Variants in NEGR1 observed in about 807,000 individuals in gnomAD.
The protein encoded by NEGR1 is IgLON family member 4.
Under a neutral mutation model 40.9 loss-of-function variants are expected in NEGR1, and 10 were observed. The observed-to-expected ratio is 0.24, with a 90% CI of 0.15 to 0.42. The LOEUF (loss-of-function observed/expected upper bound fraction) is 0.42. Ranked by LOEUF, NEGR1 falls within the 10% of genes least tolerant of loss-of-function variation. The probability of loss-of-function intolerance (pLI) is 1.00; values close to 1 mark genes in which losing one functional copy is unlikely to be tolerated. For synonymous variants in NEGR1, 185 were observed against 166.8 expected, an observed-to-expected ratio of 1.11 and a Z score of -0.84; for missense variants, 352 against 438.9, an observed-to-expected ratio of 0.80 and a Z score of 1.77.
chr1:72,088,766 A>G (rs1648325949), intron 1 of NEGR1, among the ~76,000 whole-genome samples: 1 of 151,396 alleles, frequency 6.6e-6, no homozygotes, highest in Non-Finnish European at 1.5e-5. Context: ...TAAGACTGTA[A>G]AACAATGTAT....
intron 2 of NEGR1, among the ~76,000 whole-genome samples, chr1:71,788,873 G>T (rs1657007570): frequency 6.6e-6 from 1 of 152,110 alleles, no homozygotes; most frequent in East Asian, 1.9e-4. Flanking sequence ...AGGTGCTGTT[G>T]ATTTAACATG....
chr1:71,930,993 C>A (rs1334312304), intron 2 of NEGR1, among the ~76,000 whole-genome samples: 1 of 152,118 alleles, frequency 6.6e-6, no homozygotes, highest in African/African-American at 2.4e-5. Context: ...CAAGGAGGCT[C>A]TCTGCAGCTG....
At chr1:71,966,334 A>G (rs1646209208) in intron 1 of NEGR1, among the ~76,000 whole-genome samples, 1 of 152,226 alleles carries the variant, frequency 6.6e-6, no homozygotes, top group African/African-American at 2.4e-5. Context: ...TGTCCAAAGC[A>G]TCAATTTTAT....
intron 6 of NEGR1, among the ~76,000 whole-genome samples, chr1:71,418,847 A>G (rs1646374301): frequency 6.6e-6 from 1 of 152,130 alleles, no homozygotes; most frequent in South Asian, 2.1e-4. Flanking sequence ...TCTTCCCGAC[A>G]GAGTCTAACA....
chr1:72,179,167 A>G (rs1256910647), intron 1 of NEGR1, among the ~76,000 whole-genome samples: 7 of 151,896 alleles, frequency 4.6e-5, no homozygotes, highest in African/African-American at 1.7e-4. Context: ...ATCCATCTTG[A>G]GTTGATTTTT....
chr1:71,966,406 A>G (rs1246688245), intron 1 of NEGR1, among the ~76,000 whole-genome samples: 1 of 152,200 alleles, frequency 6.6e-6, no homozygotes, highest in East Asian at 1.9e-4. Flanking sequence ...ACATGCCAAA[A>G]CAGTAGAATA....
intron 2 of NEGR1, among the ~76,000 whole-genome samples, chr1:71,908,486 A>T (rs1014820932): frequency 3.9e-5 from 6 of 152,154 alleles, no homozygotes; most frequent in Admixed American, 2.6e-4. Flanking sequence ...CATGTGTTCC[A>T]GGAACACAGC....
At chr1:72,003,035 A>C (rs1283540586) in intron 1 of NEGR1, among the ~76,000 whole-genome samples, 1 of 152,220 alleles carries the variant, frequency 6.6e-6, no homozygotes, top group African/African-American at 2.4e-5. Context: ...TCAGATGGGC[A>C]CTTTCAAGGT....
At chr1:72,156,941 T>TTTGTTGTTGTTG (rs71074822) in intron 1 of NEGR1, among the ~76,000 whole-genome samples, 15 of 149,760 alleles carry the variant, frequency 1.0e-4, no homozygotes, top group African/African-American at 3.4e-4. Flanking sequence ...TTGTATGTGT[T>TTTGTTGTTGTTG]TTGTTGTTGT....
chr1:71,918,552 G>T (rs1042543760), intron 2 of NEGR1, among the ~76,000 whole-genome samples: 1 of 152,096 alleles, frequency 6.6e-6, no homozygotes, highest in African/African-American at 2.4e-5. Context: ...GTTCAGAGCA[G>T]ACTTAAAGTA....
intron 2 of NEGR1, among the ~76,000 whole-genome samples, chr1:71,787,714 T>G (rs1656963904): frequency 1.3e-5 from 2 of 152,184 alleles, no homozygotes; most frequent in South Asian, 4.1e-4. Context: ...ACATGGTTTA[T>G]GAAAGTAAAG....
At chr1:71,917,525 T>C (rs1661618329) in intron 2 of NEGR1, among the ~76,000 whole-genome samples, 1 of 152,136 alleles carries the variant, frequency 6.6e-6, no homozygotes, top group Non-Finnish European at 1.5e-5. Flanking sequence ...GTGCGGTGGC[T>C]CATGCTTGTA....
At chr1:71,822,941 T>C (rs1166572706) in intron 2 of NEGR1, among the ~76,000 whole-genome samples, 1 of 152,004 alleles carries the variant, frequency 6.6e-6, no homozygotes, top group Admixed American at 6.6e-5. Flanking sequence ...AAATGCCAGA[T>C]TGCAGGCAAT....
chr1:71,457,680 G>A (rs1646683195), intron 6 of NEGR1, among the ~76,000 whole-genome samples: 1 of 152,044 alleles, frequency 6.6e-6, no homozygotes, highest in Admixed American at 6.6e-5. Flanking sequence ...TGTGAAATAA[G>A]ACCTATTATT....
chr1:71,899,206 T>A (rs1053026784), intron 2 of NEGR1, among the ~76,000 whole-genome samples: 1 of 151,338 alleles, frequency 6.6e-6, no homozygotes, highest in Non-Finnish European at 1.5e-5. Flanking sequence ...TTTCATTGGT[T>A]TCTGAGCTCC....
intron 2 of NEGR1, among the ~76,000 whole-genome samples, chr1:71,823,615 C>T (rs1004738483): frequency 6.6e-6 from 1 of 151,988 alleles, no homozygotes; most frequent in Non-Finnish European, 1.5e-5. Flanking sequence ...CATCTCAGAC[C>T]TGAGCCTGTA....
At chr1:72,242,299 A>G (rs1654771031) in intron 1 of NEGR1, among the ~76,000 whole-genome samples, 1 of 151,760 alleles carries the variant, frequency 6.6e-6, no homozygotes, top group Admixed American at 6.6e-5. Flanking sequence ...GAAAAAATTA[A>G]GCTATAAAAA....
intron 1 of NEGR1, among the ~76,000 whole-genome samples, chr1:72,253,269 G>C (rs1655165054): frequency 6.6e-6 from 1 of 152,086 alleles, no homozygotes. Context: ...TTTGGAAATA[G>C]TTGAAGAATT....
chr1:71,609,717 AT>A (rs1386888887), intron 5 of NEGR1, among the ~76,000 whole-genome samples: 1 of 151,994 alleles, frequency 6.6e-6, no homozygotes, highest in Non-Finnish European at 1.5e-5. Context: ...TCTTTATATA[AT>A]TTCACCAGTT....
Sources: allele counts gnomAD v4.1 joint callset (sites outside exome capture counted in the v4.1 genomes callset), GRCh38; gene constraint gnomAD v4.1.1; transcripts MANE v1.5; gene names NCBI Gene and HGNC (gene_info 2026-07-23, HGNC 2026-07-21).